RPA3: variants seen among roughly 807,000 people sequenced by gnomAD.
RPA3 encodes the protein replication protein A 14 kDa subunit.
A neutral mutation model predicts 13.7 loss-of-function variants in RPA3; 24 were observed. The observed-to-expected ratio is 1.75, with a 90% CI of 1.27 to 2.46. The LOEUF (loss-of-function observed/expected upper bound fraction) is 2.46. RPA3 is among the 30% of genes most tolerant of loss of function. The pLI is 0.00. For synonymous variants in RPA3, 59 were observed against 51.2 expected, an observed-to-expected ratio of 1.15 and a Z score of -0.65; for missense variants, 183 against 151.0, an observed-to-expected ratio of 1.21 and a Z score of -1.11.
chr7:7,671,485 T>C (rs1230104133), intron 4 of RPA3, among the ~76,000 whole-genome samples: 4 of 152,312 alleles, frequency 2.6e-5, no homozygotes, highest in African/African-American at 7.2e-5. Context: ...GAGGCTGAGT[T>C]TTAATTAGCT....
Position 7,667,922 on chromosome 7 carries a change from A to G in RPA3, c.-758+17908T>C, listed in dbSNP as rs28916011. On this transcript the variant is annotated intron_variant, in intron 4 of 7. Coordinates refer to ENST00000223129, the MANE Select transcript of RPA3 (RefSeq NM_002947.5). ...GGACCAATACTTAACCTAGTTTTTC[A>G]CTTCAGTTCTTTTTTGTTCATTTAA... Among the ~76,000 whole-genome samples, 1,236 of 152,036 alleles carry G rather than the reference A, an allele frequency of 8.1e-3. 10 individuals are homozygous for G. Among genetic ancestry groups the G allele is most frequent in the African/African-American group, 0.029 (1,186 of 41,486 alleles).
At position 7,641,123 on chromosome 7, in the gene RPA3, A is replaced by G. The variant is rs1784961509; in HGVS notation, c.-705T>C. The G allele has an allele frequency of 6.6e-6, 1 of 152,364 alleles. No homozygotes were observed. Among genetic ancestry groups the G allele is most frequent in the African/African-American group, 2.4e-5 (1 of 41,410 alleles). 9.4% of individuals were successfully genotyped at this position (152,364 alleles called of 1,614,324 possible). On this transcript the variant is annotated 5_prime_UTR_variant, in exon 5 of 8. Transcript: ENST00000223129. ...TCAGGCTTTTGCCACTTGTTGGCTGAGGGTCGATTTACTCCCTTAGCTGCG... is the reference window on the plus strand; with the variant it reads ...TCAGGCTTTTGCCACTTGTTGGCTGGGGGTCGATTTACTCCCTTAGCTGCG...
Position 7,636,608 on chromosome 7 carries a change from C to T in RPA3, c.*392G>A, listed in dbSNP as rs551012233. 2.2e-4 allele frequency: 36 copies of T among 163,570 alleles called. No individual in the cohort carries two copies. The highest frequency in any genetic ancestry group is 3.8e-4 in the Non-Finnish European group (29 of 75,908). The allele number at this position is 163,570 out of a possible 1,614,324, so 10.1% of individuals were successfully genotyped here. Reference sequence around the variant, plus strand: ...AAAGGTGAGCAAATCCTTAACACAGCTGGCCCAAGGTTTTATTTGGTAGGT... The same window carrying T: ...AAAGGTGAGCAAATCCTTAACACAGTTGGCCCAAGGTTTTATTTGGTAGGT... On this transcript the variant is annotated 3_prime_UTR_variant, in exon 8 of 8. Transcript: ENST00000223129.
chr7:7,663,500 G>A (rs1785528585), intron 4 of RPA3, among the ~76,000 whole-genome samples: 1 of 152,078 alleles, frequency 6.6e-6, no homozygotes, highest in African/African-American at 2.4e-5. Context: ...AAAAAACCTA[G>A]GTGGGACGGA....
At chr7:7,643,637 G>A (rs978215889) in intron 4 of RPA3, among the ~76,000 whole-genome samples, 8 of 151,600 alleles carry the variant, frequency 5.3e-5, no homozygotes, top group Admixed American at 4.6e-4. Context: ...GCGTGAACCC[G>A]AGAGGCGGAG....
chr7:7,649,326 G>C (rs1785169698), intron 4 of RPA3, among the ~76,000 whole-genome samples: 2 of 152,120 alleles, frequency 1.3e-5, no homozygotes, highest in Admixed American at 6.6e-5. Flanking sequence ...GTAAGGGAAG[G>C]GGACTAACTA....
In RPA3 at chr7:7,638,927, A is replaced by G. The variant is rs1457143230; in HGVS notation, c.174+143T>C. 3 of 522,922 alleles carry G rather than the reference A, an allele frequency of 5.7e-6. No homozygotes were observed. In the Admixed American group the frequency reaches 1.1e-4, roughly 20 times the overall value. 32.4% of individuals were successfully genotyped at this position (522,922 alleles called of 1,614,324 possible). ...GGAAATATAATGAGAGAATAGTACA[A>G]GAATTAAATTTTACAGCCAGGGACG... On this transcript the variant is annotated intron_variant, in intron 6 of 7. Coordinates refer to ENST00000223129, the MANE Select transcript of RPA3 (RefSeq NM_002947.5).
chr7:7,696,084 C>A (rs1780310024), intron 2 of RPA3, among the ~76,000 whole-genome samples: 1 of 150,414 alleles, frequency 6.6e-6, no homozygotes, highest in South Asian at 2.1e-4. Context: ...CAGCTCACTG[C>A]AGCCTCTACC....
chr7:7,643,908 C>A (rs1399179236), intron 4 of RPA3, among the ~76,000 whole-genome samples: 2 of 152,088 alleles, frequency 1.3e-5, no homozygotes, highest in Non-Finnish European at 2.9e-5. Context: ...CTGCTTTATG[C>A]CCCTCAGTCA....
In RPA3 at chr7:7,704,301, TAACTTAATA is replaced by T. The variant is rs146303443; in HGVS notation, c.-1028+10865_-1028+10873del. Among the ~76,000 whole-genome samples, 677 of 152,286 alleles carry T rather than the reference TAACTTAATA, an allele frequency of 4.4e-3. 4 individuals carry two copies. The highest frequency in any genetic ancestry group is 0.016 in the African/African-American group (651 of 41,560). Reference sequence around the variant, plus strand: ...CATTCATGTAAATATGTAAAACAGTTAACTTAATAAATATATTTAAAATTTGTTTTGAAG... The same window carrying T: ...CATTCATGTAAATATGTAAAACAGTTAATATATTTAAAATTTGTTTTGAAG... On this transcript the variant is annotated intron_variant, in intron 2 of 7. Transcript: ENST00000223129.
At chr7:7,706,911 A>G (rs1234396876) in intron 2 of RPA3, among the ~76,000 whole-genome samples, 1 of 152,198 alleles carries the variant, frequency 6.6e-6, no homozygotes, top group Non-Finnish European at 1.5e-5. Flanking sequence ...GGGGTGGCTA[A>G]GATCCTAACA....
chr7:7,712,735 T>A lies in RPA3; in HGVS notation c.-1028+2440A>T, dbSNP rs117129795. On this transcript the variant is annotated intron_variant, in intron 2 of 7. Transcript: ENST00000223129. ...GAAGAGAAGTGTCAAAGAAAACATC[T>A]TTTCCCCACTTTTGATTGTAAAAAG... Among the ~76,000 whole-genome samples, 941 of 152,324 alleles carry A rather than the reference T, an allele frequency of 6.2e-3. 7 individuals carry two copies. Among genetic ancestry groups the A allele is most frequent in the Non-Finnish European group, 0.01 (688 of 68,030 alleles).
At chr7:7,715,689 A>G (rs558723140) in intron 1 of RPA3, among the ~76,000 whole-genome samples, 91 of 152,362 alleles carry the variant, frequency 6.0e-4, no homozygotes, top group African/African-American at 2.0e-3. Flanking sequence ...CCTAAAAGTC[A>G]TAGTTTTACC....
chr7:7,663,532 T>C (rs1785529749), intron 4 of RPA3, among the ~76,000 whole-genome samples: 1 of 152,172 alleles, frequency 6.6e-6, no homozygotes, highest in African/African-American at 2.4e-5. Flanking sequence ...AGAGTCTTTA[T>C]GTAATACTAA....
intron 4 of RPA3, among the ~76,000 whole-genome samples, chr7:7,669,055 T>C (rs926603271): frequency 6.8e-6 from 1 of 147,396 alleles, no homozygotes; most frequent in South Asian, 2.1e-4. Flanking sequence ...TCTACACATA[T>C]ATAGACAGTG....
chr7:7,700,380 G>A (rs1424803402), intron 2 of RPA3, among the ~76,000 whole-genome samples: 2 of 152,064 alleles, frequency 1.3e-5, no homozygotes, highest in African/African-American at 4.8e-5. Context: ...AATTTTGAGG[G>A]AACACAAATA....
At chr7:7,715,500 A>C (rs891306806) in intron 1 of RPA3, among the ~76,000 whole-genome samples, 1 of 152,184 alleles carries the variant, frequency 6.6e-6, no homozygotes, top group Non-Finnish European at 1.5e-5. Flanking sequence ...ATAAACATTC[A>C]TGCATTCCGA....
intron 6 of RPA3, chr7:7,638,660 C>T (rs952540040): frequency 6.4e-6 from 1 of 155,264 alleles, no homozygotes; most frequent in African/African-American, 2.4e-5. Flanking sequence ...TCTTGGGAGG[C>T]TAAGGCTGCA....
chr7:7,672,549 A>T (rs1779633041), intron 4 of RPA3, among the ~76,000 whole-genome samples: 1 of 152,194 alleles, frequency 6.6e-6, no homozygotes, highest in Non-Finnish European at 1.5e-5. Flanking sequence ...CGAGGGCAGG[A>T]CCAGGTGTAG....
Sources: allele counts gnomAD v4.1 joint callset (sites outside exome capture counted in the v4.1 genomes callset), GRCh38; gene constraint gnomAD v4.1.1; transcripts MANE v1.5; gene names NCBI Gene and HGNC (gene_info 2026-07-23, HGNC 2026-07-21).